Variants in BTBD16 observed in about 807,000 individuals in gnomAD.
BTBD16 encodes BTB domain containing 16, also known as BTB/POZ domain-containing protein 16.
Under a neutral mutation model 67.4 loss-of-function variants are expected in BTBD16, and 66 were observed. That is an observed-to-expected ratio of 0.98 (90% CI 0.80 to 1.20). The LOEUF (loss-of-function observed/expected upper bound fraction) is 1.20, where lower values mean the gene tolerates loss of function less well. Ranked by LOEUF, BTBD16 falls within the 50% of genes most tolerant of loss-of-function variation. The pLI, the probability that BTBD16 is intolerant of heterozygous loss-of-function variation, is 0.00. For synonymous variants in BTBD16, 242 were observed against 236.4 expected (o/e 1.02, Z -0.22); for missense variants, 634 against 616.0 (o/e 1.03, Z -0.31).
In BTBD16 at chr10:122,271,467, C is replaced by T. The variant is rs1243515220; in HGVS notation, c.-90C>T. ...GTGATGGGAGTTCCTCCACTCAGCA[C>T]ACTTCCCCTGTAAACACGCCTGTGG... On this transcript the variant is annotated 5_prime_UTR_variant, in exon 1 of 16. Transcript: ENST00000260723. 1.3e-5 allele frequency: 2 copies of T among 152,322 alleles called. No individual in the cohort carries two copies. Among genetic ancestry groups the T allele is most frequent in the Non-Finnish European group, 2.9e-5 (2 of 68,094 alleles). The allele number at this position is 152,322 out of a possible 1,614,324, so 9.4% of individuals were successfully genotyped here.
At chr10:122,314,298 G>T (rs139382671) in intron 10 of BTBD16, among the ~76,000 whole-genome samples, 1 of 152,132 alleles carries the variant, frequency 6.6e-6, no homozygotes, top group African/African-American at 2.4e-5. Context: ...GAGGCCAGGA[G>T]TTAGAGACCA....
intron 3 of BTBD16, 99 bp from the exon 4 acceptor site, chr10:122,283,751 TG>T: frequency 1.1e-6 from 1 of 879,536 alleles, no homozygotes; most frequent in Non-Finnish European, 1.9e-6. Flanking sequence ...GCTTGATCAA[TG>T]GGTGCTTTAA....
chr10:122,285,995 T>A, intron 4 of BTBD16, 110 bp from the exon 5 acceptor site: 2 of 1,099,110 alleles, frequency 1.8e-6, no homozygotes, highest in Non-Finnish European at 2.7e-6. Context: ...CTTGCCTGCT[T>A]CATGTGCTTA....
intron 3 of BTBD16, among the ~76,000 whole-genome samples, chr10:122,279,788 G>A (rs2096348658): frequency 1.3e-5 from 2 of 152,168 alleles, no homozygotes; most frequent in Admixed American, 6.5e-5. Context: ...GGCAAGCTGT[G>A]TTCATGTCAT....
intron 5 of BTBD16, chr10:122,287,451 A>T: frequency 1.0e-6 from 1 of 985,456 alleles, no homozygotes; most frequent in African/African-American, 1.7e-5. Flanking sequence ...CTCTGATCCA[A>T]GCCTCCCTGC....
rs756908935 is a variant in BTBD16, at chr10:122,275,099, G to A, written c.18G>A (p.Thr6=). Residue 6 remains threonine (T), a splice_region_variant and synonymous_variant, in exon 2 of 16, where the codon ACG becomes ACA. Transcript: ENST00000260723. ...TTTCATTCATGATAATGTCGAACACGGTGAGTAGATCAGTTTCTCAAGAAG... is the reference window on the plus strand; with the variant it reads ...TTTCATTCATGATAATGTCGAACACAGTGAGTAGATCAGTTTCTCAAGAAG... MIMSN[T]HKARLERRVT... The A allele has an allele frequency of 1.4e-5, 23 of 1,613,646 alleles. No homozygotes were observed. The highest frequency in any genetic ancestry group is 1.9e-5 in the Non-Finnish European group (22 of 1,179,696).
intron 10 of BTBD16, among the ~76,000 whole-genome samples, chr10:122,312,405 C>T (rs977982039): frequency 2.4e-4 from 35 of 148,904 alleles, no homozygotes; most frequent in African/African-American, 5.2e-4. Context: ...CTCCACCTCC[C>T]GGGTTCAAGT....
At chr10:122,334,056 C>T (rs1035696781) in intron 13 of BTBD16, among the ~76,000 whole-genome samples, 1 of 152,092 alleles carries the variant, frequency 6.6e-6, no homozygotes, top group African/African-American at 2.4e-5. Context: ...CTAGTAATTA[C>T]TACTACCAAG....
Position 122,335,126 on chromosome 10 carries a change from G to C in BTBD16, c.1263+147G>C, listed in dbSNP as rs187033778. Reference sequence around the variant, plus strand: ...AAGTGCTAACCACGCTCATGTATGTGATGTCATTTGATTTTTACAACAACC... The same window carrying C: ...AAGTGCTAACCACGCTCATGTATGTCATGTCATTTGATTTTTACAACAACC... On this transcript the variant is annotated intron_variant, in intron 14 of 15. Transcript: ENST00000260723. 172 of 519,024 alleles carry C rather than the reference G, an allele frequency of 3.3e-4. 1 individual carries two copies. In the East Asian group the frequency reaches 4.8e-3, roughly 15 times the overall value. The allele number at this position is 519,024 out of a possible 1,614,324, so 32.2% of individuals were successfully genotyped here. A position where few individuals can be genotyped will look rare whatever the true frequency, so the allele number is the denominator to read the frequency against.
rs150393307 is a variant in BTBD16, at chr10:122,307,446, G to A, written c.911+138G>A. 8.6e-4 allele frequency: 735 copies of A among 852,328 alleles called. No homozygotes were observed. In the Middle Eastern group the frequency reaches 0.018, roughly 20 times the overall value. The allele number at this position is 852,328 out of a possible 1,614,324, so 52.8% of individuals were successfully genotyped here. A position where few individuals can be genotyped will look rare whatever the true frequency, so the allele number is the denominator to read the frequency against. On this transcript the variant is annotated intron_variant, in intron 10 of 15. Transcript: ENST00000260723. ...CAGAGGGCACTGTTTTTTTAATAGG[G>A]CCTAAGATTATAGGATGCTTTCAAA...
rs890306129 is a variant in BTBD16 at position 122,275,466 on chromosome 10, C to A, written c.18+367C>A. Reference sequence around the variant, plus strand: ...AACAAGATGATATCCCCACAATCCCCACCATCGCCATCCTCACTGTCGTTG... The same window carrying A: ...AACAAGATGATATCCCCACAATCCCAACCATCGCCATCCTCACTGTCGTTG... On this transcript the variant is annotated intron_variant, in intron 2 of 15. Transcript: ENST00000260723. Among the ~76,000 whole-genome samples the A allele has an allele frequency of 1.4e-4, 22 of 152,156 alleles. 1 individual carries two copies. The highest frequency in any genetic ancestry group is 1.4e-3 in the Admixed American group (21 of 15,272).
intron 10 of BTBD16, among the ~76,000 whole-genome samples, chr10:122,326,268 G>T (rs759556399): frequency 3.3e-5 from 5 of 151,910 alleles, no homozygotes; most frequent in African/African-American, 9.7e-5. Flanking sequence ...AAGTTTATTC[G>T]CATTGTTGTG....
chr10:122,276,181 G>C (rs1315975071), intron 2 of BTBD16, among the ~76,000 whole-genome samples: 1 of 152,198 alleles, frequency 6.6e-6, no homozygotes, highest in Non-Finnish European at 1.5e-5. Flanking sequence ...GCTAATCTGA[G>C]AAAGCAGGTT....
At chr10:122,311,758 G>A (rs1379159291) in intron 10 of BTBD16, among the ~76,000 whole-genome samples, 1 of 152,182 alleles carries the variant, frequency 6.6e-6, no homozygotes, top group African/African-American at 2.4e-5. Flanking sequence ...ACCAGAACAG[G>A]GGACATGGCC....
chr10:122,289,466 C>T (rs113427418), intron 5 of BTBD16, among the ~76,000 whole-genome samples: 40 of 152,106 alleles, frequency 2.6e-4, no homozygotes, highest in African/African-American at 9.2e-4. Flanking sequence ...AGGCCGGGCG[C>T]GGTGGTTCAC....
chr10:122,289,326 A>G (rs746624183), intron 5 of BTBD16, among the ~76,000 whole-genome samples: 9 of 152,214 alleles, frequency 5.9e-5, no homozygotes, highest in Non-Finnish European at 1.2e-4. Flanking sequence ...GGTTTTGACC[A>G]TGCACAGGGC....
intron 15 of BTBD16, 141 bp downstream of exon 15, chr10:122,336,823 C>A: frequency 1.4e-6 from 1 of 708,842 alleles, no homozygotes; most frequent in Non-Finnish European, 2.2e-6. Flanking sequence ...TAAGGATTAT[C>A]ACAGCCTCAA....
intron 7 of BTBD16, among the ~76,000 whole-genome samples, chr10:122,293,639 C>T (rs1240835310): frequency 1.3e-5 from 2 of 152,214 alleles, no homozygotes; most frequent in African/African-American, 4.8e-5. Context: ...GGTGAAAAGT[C>T]CAGGTTTTCC....
chr10:122,276,196 G>A (rs1256338451), intron 2 of BTBD16, among the ~76,000 whole-genome samples: 1 of 152,196 alleles, frequency 6.6e-6, no homozygotes, highest in African/African-American at 2.4e-5. Flanking sequence ...CAGGTTAGTG[G>A]TTGTCCCGGG....
Sources: gnomAD v4.1 joint callset for allele counts (sites outside exome capture counted in the v4.1 genomes callset) on GRCh38, gnomAD v4.1.1 for gene constraint, MANE v1.5 for transcripts, NCBI Gene and HGNC (gene_info 2026-07-23, HGNC 2026-07-21) for gene names.